Variants in AKT3 observed in about 807,000 individuals in gnomAD.
AKT3 encodes the protein RAC-gamma serine/threonine-protein kinase.
A neutral mutation model predicts 65.3 loss-of-function variants in AKT3; 15 were observed. The ratio of observed to expected loss-of-function variants is 0.23; its 90% confidence interval spans 0.15 to 0.35. AKT3 has a LOEUF of 0.35. Ranked by LOEUF, AKT3 falls within the 10% of genes least tolerant of loss-of-function variation. The pLI is 1.00. For missense variants in AKT3, 243 were observed against 576.5 expected, an observed-to-expected ratio of 0.42 and a Z score of 5.92; for synonymous variants, 206 against 183.8, an observed-to-expected ratio of 1.12 and a Z score of -0.98.
intron 12 of AKT3, among the ~76,000 whole-genome samples, chr1:243,531,712 ACT>A (rs1037259588): frequency 6.6e-6 from 1 of 152,114 alleles, no homozygotes; most frequent in Non-Finnish European, 1.5e-5. Context: ...CATTTTGAGT[ACT>A]CTCATCTTAA....
At chr1:243,523,764 C>A (rs776336640) in intron 12 of AKT3, among the ~76,000 whole-genome samples, 1 of 152,162 alleles carries the variant, frequency 6.6e-6, no homozygotes, top group Admixed American at 6.5e-5. Context: ...AAACACAACC[C>A]GCATCACATG....
At position 243,769,048 on chromosome 1, in the gene AKT3, C is replaced by T. The variant is rs546886449; in HGVS notation, c.47-73332G>A. 3.9e-5 allele frequency among the ~76,000 whole-genome samples: 6 copies of T among 152,208 alleles called. No individual in the cohort carries two copies. The South Asian group carries it at 1.2e-3, about 32-fold the overall frequency. On this transcript the variant is annotated intron_variant, in intron 2 of 13. Coordinates refer to ENST00000673466, the MANE Select transcript of AKT3 (RefSeq NM_005465.7). ...TCCTGACCATGAAACCACTTTCTGT[C>T]CCTAAGGATTTTCCTATTTTGGATA...
rs150994670 is a variant in AKT3, at chr1:243,615,737, G to T, written c.562-576C>A. ...TTCTGCTTGTGGCTTTTTAATTTGC[G>T]TCTTAATTTTTAAAGCCAAGTTCTT... is the stretch of plus-strand genomic sequence containing the variant. On this transcript the variant is annotated intron_variant, in intron 6 of 13. Transcript: ENST00000673466. Among the ~76,000 whole-genome samples the T allele has an allele frequency of 8.6e-5, 13 of 151,894 alleles. No homozygotes were observed. The East Asian group carries it at 2.5e-3, about 30-fold the overall frequency.
chr1:243,694,604 C>T (rs1356974640), intron 3 of AKT3, among the ~76,000 whole-genome samples: 2 of 150,940 alleles, frequency 1.3e-5, no homozygotes, highest in African/African-American at 4.9e-5. Flanking sequence ...ATTGTTTTAT[C>T]TTTTTCTTAA....
chr1:243,812,103 T>C (rs936439651), intron 2 of AKT3, among the ~76,000 whole-genome samples: 2 of 152,142 alleles, frequency 1.3e-5, no homozygotes, highest in African/African-American at 4.8e-5. Context: ...ATTCAGGACA[T>C]AGGCACGGGC....
intron 2 of AKT3, among the ~76,000 whole-genome samples, chr1:243,819,378 T>C (rs1296736091): frequency 6.6e-6 from 1 of 152,222 alleles, no homozygotes. Context: ...TGTGGCAGAC[T>C]GTGGCCAGAC....
At position 243,664,812 on chromosome 1, in the gene AKT3, C is replaced by G; in HGVS notation, c.244G>C (p.Val82Leu). Residue 82 changes from valine (V) to leucine (L), a missense_variant, in exon 4 of 14, where the codon GTT (valine) becomes CTT (leucine). This residue lies in a region of AKT3 where 72 missense variants were observed against 86.0 expected (regional missense o/e 0.84). Transcript: ENST00000673466. ...FIIRCLQWTT[V>L]IERTFHVDTP... ...TCTACATGAAATGTTCTCTCTATAA[C>G]AGTAGTCCACTGGAGACATCTGATT... is the stretch of plus-strand genomic sequence containing the variant. 1 of 1,587,864 alleles carries G rather than the reference C, an allele frequency of 6.3e-7. No individual in the cohort carries two copies. Among genetic ancestry groups the G allele is most frequent in the Non-Finnish European group, 8.5e-7 (1 of 1,169,880 alleles).
At chr1:243,736,120 C>T (rs1687830057) in intron 2 of AKT3, among the ~76,000 whole-genome samples, 1 of 152,270 alleles carries the variant, frequency 6.6e-6, no homozygotes. Flanking sequence ...TAGTCAAATA[C>T]ATGGATTCAA....
intron 2 of AKT3, among the ~76,000 whole-genome samples, chr1:243,790,705 T>C (rs1452776346): frequency 2.0e-5 from 3 of 152,218 alleles, no homozygotes; most frequent in African/African-American, 7.2e-5. Context: ...CTATGCTTCA[T>C]CATTTCTAGC....
At chr1:243,749,793 C>T (rs376484475) in intron 2 of AKT3, among the ~76,000 whole-genome samples, 5 of 152,164 alleles carry the variant, frequency 3.3e-5, no homozygotes, top group African/African-American at 7.2e-5. Flanking sequence ...TGATTACTGT[C>T]TCCATTTCTT....
chr1:243,587,853 G>A (rs1675920226), intron 8 of AKT3, among the ~76,000 whole-genome samples: 1 of 151,986 alleles, frequency 6.6e-6, no homozygotes, highest in African/African-American at 2.4e-5. Context: ...GAATATATGA[G>A]TGAAAAGTCA....
At chr1:243,566,184 C>T (rs1045296609) in intron 9 of AKT3, among the ~76,000 whole-genome samples, 13 of 152,244 alleles carry the variant, frequency 8.5e-5, no homozygotes, top group African/African-American at 3.1e-4. Context: ...TTTTTAATAC[C>T]TAGCTCCGTG....
chr1:243,515,048 T>A (rs546643489), intron 12 of AKT3, among the ~76,000 whole-genome samples: 1 of 152,234 alleles, frequency 6.6e-6, no homozygotes, highest in South Asian at 2.1e-4. Flanking sequence ...AAATGGATCA[T>A]AGAGTATGTA....
At chr1:243,785,071 T>C (rs2148320575) in intron 2 of AKT3, among the ~76,000 whole-genome samples, 1 of 150,650 alleles carries the variant, frequency 6.6e-6, no homozygotes, top group Middle Eastern at 3.4e-3. Flanking sequence ...CAATTTTTTT[T>C]TTTTTTTTTT....
chr1:243,505,379 T>G, intron 13 of AKT3, 45 bp from the exon 14 acceptor site: 1 of 1,539,960 alleles, frequency 6.5e-7, no homozygotes, highest in South Asian at 1.1e-5. Flanking sequence ...ATTCATTTTT[T>G]GCAACATTAT....
chr1:243,741,706 T>G (rs1479738541), intron 2 of AKT3: 1 of 152,136 alleles, frequency 6.6e-6, no homozygotes, highest in East Asian at 1.9e-4. Context: ...TAATAAAAAG[T>G]TGCTTAAGTA....
intron 8 of AKT3, among the ~76,000 whole-genome samples, chr1:243,588,385 T>G (rs145995865): frequency 6.6e-6 from 1 of 152,316 alleles, no homozygotes; most frequent in East Asian, 1.9e-4. Context: ...AGGCATTCAG[T>G]AGATATCTCA....
chr1:243,557,226 A>T (rs549181457), intron 10 of AKT3, among the ~76,000 whole-genome samples: 18 of 152,228 alleles, frequency 1.2e-4, no homozygotes, highest in Admixed American at 1.2e-3. Context: ...ACATTATGGG[A>T]TTCCAAGAAA....
chr1:243,498,191 G>C (rs1461603746), downstream of AKT3, among the ~76,000 whole-genome samples: 1 of 152,172 alleles, frequency 6.6e-6, no homozygotes, highest in Non-Finnish European at 1.5e-5. Flanking sequence ...CACCTGGCCT[G>C]GAGGGCACGT....
Sources: allele counts gnomAD v4.1 joint callset (sites outside exome capture counted in the v4.1 genomes callset), GRCh38; gene constraint gnomAD v4.1.1; regional missense constraint gnomAD v4.1.1; transcripts MANE v1.5; gene names NCBI Gene and HGNC (gene_info 2026-07-23, HGNC 2026-07-21).